The following PCDH9 variants were observed in gnomAD, a reference collection of about 807,000 sequenced individuals.
PCDH9 encodes the protein protocadherin-9.
Under a neutral mutation model 70.6 loss-of-function variants are expected in PCDH9, and 24 were observed. That is an observed-to-expected ratio of 0.34 (90% CI 0.25 to 0.48). The LOEUF (loss-of-function observed/expected upper bound fraction) is 0.48. Among genes scored for constraint, PCDH9 ranks in the 20% least tolerant of loss-of-function variants. PCDH9 has a pLI of 0.99. For missense variants in PCDH9, 1,281 were observed against 1,503.6 expected, an observed-to-expected ratio of 0.85 and a Z score of 2.45; for synonymous variants, 562 against 558.5, an observed-to-expected ratio of 1.01 and a Z score of -0.09.
chr13:66,341,732 A>G (rs1956129580), intron 4 of PCDH9, among the ~76,000 whole-genome samples: 1 of 92,336 alleles, frequency 1.1e-5, no homozygotes, highest in Admixed American at 1.4e-4. Flanking sequence ...GGTTTGCTAG[A>G]ACTAATCCTG....
intron 2 of PCDH9, among the ~76,000 whole-genome samples, chr13:67,132,186 A>G (rs1793618783): frequency 6.6e-6 from 1 of 152,192 alleles, no homozygotes; most frequent in African/African-American, 2.4e-5. Flanking sequence ...TTTCCTGTCT[A>G]TAAAAACAAG....
chr13:66,528,848 T>C (rs1960321089), intron 4 of PCDH9, among the ~76,000 whole-genome samples: 1 of 152,136 alleles, frequency 6.6e-6, no homozygotes, highest in Non-Finnish European at 1.5e-5. Context: ...AATGCATCAC[T>C]CTACTATTCA....
At chr13:66,429,714 GAAGAAA>G (rs917513261) in intron 4 of PCDH9, among the ~76,000 whole-genome samples, 6 of 151,708 alleles carry the variant, frequency 4.0e-5, no homozygotes, top group East Asian at 3.9e-4. Flanking sequence ...AGAAGAAGAA[GAAGAAA>G]AAAATAACTT....
At chr13:66,948,168 G>C (rs1359714375) in intron 2 of PCDH9, among the ~76,000 whole-genome samples, 1 of 151,994 alleles carries the variant, frequency 6.6e-6, no homozygotes, top group Non-Finnish European at 1.5e-5. Flanking sequence ...CTGGAGAAAT[G>C]GTCTGTTCAT....
intron 4 of PCDH9, among the ~76,000 whole-genome samples, chr13:66,562,046 A>T (rs7998682): frequency 2.0e-5 from 3 of 151,796 alleles, no homozygotes; most frequent in African/African-American, 7.3e-5. Context: ...CTCTGAACAC[A>T]TCCAAACATC....
At chr13:66,401,557 G>A (rs1957187985) in intron 4 of PCDH9, among the ~76,000 whole-genome samples, 1 of 152,008 alleles carries the variant, frequency 6.6e-6, no homozygotes, top group Admixed American at 6.6e-5. Context: ...GACTCATATG[G>A]TGGGGGAGAA....
intron 4 of PCDH9, among the ~76,000 whole-genome samples, chr13:66,348,960 T>C (rs192208592): frequency 6.6e-6 from 1 of 152,294 alleles, no homozygotes; most frequent in African/African-American, 2.4e-5. Flanking sequence ...ATTTAAGCTG[T>C]GTACACACAT....
chr13:67,207,835 G>T (rs542202135), intron 2 of PCDH9: 1 of 152,222 alleles, frequency 6.6e-6, no homozygotes, highest in Admixed American at 6.5e-5. Context: ...TGAGATTAAT[G>T]AATTGATTAC....
At chr13:66,511,824 G>A (rs1476271773) in intron 4 of PCDH9, among the ~76,000 whole-genome samples, 2 of 152,092 alleles carry the variant, frequency 1.3e-5, no homozygotes, top group Non-Finnish European at 2.9e-5. Context: ...ATGATTGGAA[G>A]CTTCCTGAGG....
chr13:66,797,804 T>C (rs1343323152), intron 3 of PCDH9, among the ~76,000 whole-genome samples: 2 of 152,118 alleles, frequency 1.3e-5, no homozygotes, highest in African/African-American at 2.4e-5. Context: ...GACAGAAAGT[T>C]GTAACTTTCA....
intron 4 of PCDH9, among the ~76,000 whole-genome samples, chr13:66,590,804 G>C (rs936408849): frequency 2.0e-5 from 3 of 151,650 alleles, no homozygotes; most frequent in Non-Finnish European, 3.0e-5. Flanking sequence ...TAAAAAATTT[G>C]TATTTTCTTT....
chr13:66,896,333 C>T (rs1468363154), intron 3 of PCDH9, among the ~76,000 whole-genome samples: 1 of 151,282 alleles, frequency 6.6e-6, no homozygotes, highest in Non-Finnish European at 1.5e-5. Flanking sequence ...TTTGTTTAGC[C>T]TCGGGAAAAC....
chr13:67,122,092 C>T (rs532479664), intron 2 of PCDH9, among the ~76,000 whole-genome samples: 31 of 152,112 alleles, frequency 2.0e-4, no homozygotes, highest in African/African-American at 7.0e-4. Flanking sequence ...ACAATTCCAG[C>T]TGGAATAAAG....
chr13:67,155,497 A>G (rs556012455), intron 2 of PCDH9, among the ~76,000 whole-genome samples: 2 of 152,332 alleles, frequency 1.3e-5, no homozygotes, highest in South Asian at 4.1e-4. Context: ...GTAATTATCA[A>G]ACTTATGAAA....
At chr13:66,661,005 TAGA>T (rs1373840351) in intron 3 of PCDH9, among the ~76,000 whole-genome samples, 1 of 152,042 alleles carries the variant, frequency 6.6e-6, no homozygotes, top group Non-Finnish European at 1.5e-5. Flanking sequence ...AGAGAGAAAA[TAGA>T]AGGGAGGATA....
At chr13:67,116,884 A>G (rs1055679334) in intron 2 of PCDH9, among the ~76,000 whole-genome samples, 1 of 152,152 alleles carries the variant, frequency 6.6e-6, no homozygotes, top group African/African-American at 2.4e-5. Flanking sequence ...GCAAACGTAT[A>G]TTGTCCCCTC....
At chr13:67,210,432 G>C (rs2089445407) in intron 2 of PCDH9, 1 of 152,034 alleles carries the variant, frequency 6.6e-6, no homozygotes, top group African/African-American at 2.4e-5. Context: ...AGGAGAGACT[G>C]AACCATGTGA....
At chr13:66,964,525 G>T (rs1176893940) in intron 2 of PCDH9, among the ~76,000 whole-genome samples, 2 of 151,820 alleles carry the variant, frequency 1.3e-5, no homozygotes, top group Non-Finnish European at 2.9e-5. Context: ...AGGTAACATG[G>T]ACCTACTGTG....
intron 3 of PCDH9, among the ~76,000 whole-genome samples, chr13:66,877,302 A>G (rs958707200): frequency 1.3e-5 from 2 of 151,576 alleles, no homozygotes; most frequent in South Asian, 2.1e-4. Flanking sequence ...TGGAAATAGT[A>G]TTAGAAATAA....
Sources: gnomAD v4.1 joint callset for allele counts (sites outside exome capture counted in the v4.1 genomes callset) on GRCh38, gnomAD v4.1.1 for gene constraint, MANE v1.5 for transcripts, NCBI Gene and HGNC (gene_info 2026-07-23, HGNC 2026-07-21) for gene names.